The following APC2 variants were observed in gnomAD, a reference collection of about 807,000 sequenced individuals.
The protein encoded by APC2 is APC regulator of Wnt signaling pathway 2.
A neutral mutation model predicts 72.5 loss-of-function variants in APC2; 41 were observed. That is an observed-to-expected ratio of 0.57 (90% confidence interval 0.44 to 0.73). The LOEUF is 0.73. Ranked by LOEUF, APC2 falls within the 30% of genes least tolerant of loss-of-function variation. APC2 has a pLI of 0.00. For synonymous variants in APC2, 1,898 were observed against 1,612.0 expected, an observed-to-expected ratio of 1.18 and a Z score of -4.25; for missense variants, 3,729 against 3,403.4, an observed-to-expected ratio of 1.10 and a Z score of -2.38.
rs1418939391 is a variant in APC2, at chr19:1,468,611, C to T, written c.5310C>T (p.Gly1770=). Residue 1770 remains glycine (G), a synonymous_variant, in exon 15 of 15, where the codon GGC becomes GGT. Transcript: ENST00000590469. Reference sequence around the variant, plus strand: ...GCGGGAGCCCCCGTTCCCCTGCAGGCCCCGAGAAGCCACGTGGCACACAGA... The same window carrying T: ...GCGGGAGCCCCCGTTCCCCTGCAGGTCCCGAGAAGCCACGTGGCACACAGA... ...KTSGSPRSPA[G]PEKPRGTQKT... 4 of 1,601,310 alleles carry T rather than the reference C, an allele frequency of 2.5e-6. No individual in the cohort carries two copies. Among genetic ancestry groups the T allele is most frequent in the African/African-American group, 1.3e-5 (1 of 74,624 alleles).
At chr19:1,455,666 G>A (rs943403062) in intron 6 of APC2, among the ~76,000 whole-genome samples, 166 bp downstream of exon 6, 4 of 151,816 alleles carry the variant, frequency 2.6e-5, no homozygotes, top group Non-Finnish European at 5.9e-5. Flanking sequence ...GAAGCTGGAG[G>A]TGTTGGTGGG....
In APC2 at chr19:1,467,052, C is replaced by G. The variant is rs759511010; in HGVS notation, c.3751C>G (p.Arg1251Gly). 2 of 1,611,644 alleles carry G rather than the reference C, an allele frequency of 1.2e-6. No individual in the cohort carries two copies. The highest frequency in any genetic ancestry group is 1.7e-6 in the Non-Finnish European group (2 of 1,179,672). The change falls in exon 15 of 15, where the codon CGG (arginine) becomes GGG (glycine). Residue 1251 changes from arginine (R) to glycine (G), a missense_variant. Arg to Gly is a moderately radical substitution (Grantham distance 125). Transcript: ENST00000590469. ...LDIADCRERC[R>G]LPSELDAGSV... is the part of the protein sequence containing the mutation. The stretch of plus-strand genomic sequence containing the variant: ...CATCGCCGACTGCCGGGAGCGCTGC[C>G]GGCTGCCATCTGAGCTGGACGCAGG...
chr19:1,468,680 G>T lies in APC2; in HGVS notation c.5379G>T (p.Val1793=). 6.4e-7 allele frequency: 1 copy of T among 1,568,106 alleles called. No homozygotes were observed. The highest frequency in any genetic ancestry group is 1.1e-5 in the South Asian group (1 of 87,146). Reference sequence around the variant, plus strand: ...CAGCTGTGCTCCGGGGACGAACAGTGATCTACGTCCCCAGCCCGGCACCCC... The same window carrying T: ...CAGCTGTGCTCCGGGGACGAACAGTTATCTACGTCCCCAGCCCGGCACCCC... The part of the protein sequence containing the change: ...GVPAVLRGRT[V]IYVPSPAPRA... The change falls in exon 15 of 15, where the codon GTG becomes GTT. Residue 1793 remains valine (V), a synonymous_variant. Transcript: ENST00000590469.
In APC2 at chr19:1,465,227, G is replaced by T. The variant is rs1167512201; in HGVS notation, c.1926G>T (p.Val642=). 1.2e-6 allele frequency: 2 copies of T among 1,610,626 alleles called. No individual in the cohort carries two copies. Residue 642 remains valine, a synonymous_variant, in exon 15 of 15, where the codon GTG becomes GTT. Coordinates refer to ENST00000590469, the MANE Select transcript of APC2 (RefSeq NM_005883.3). Reference sequence around the variant, plus strand: ...TGACTTCGCACAGCCTGACCATCGTGAGCAACGCGTGCGGCACGCTCTGGA... The same window carrying T: ...TGACTTCGCACAGCCTGACCATCGTTAGCAACGCGTGCGGCACGCTCTGGA... ...QHLTSHSLTI[V]SNACGTLWNL...
Position 1,466,845 on chromosome 19 carries a change from A to T in APC2, c.3544A>T (p.Ser1182Cys). ...ESPSIASSIP[S>C]EPCSGQGSGT... ...CCCGTCCATCGCCAGCTCCATCCCC[A>T]GTGAACCTTGCAGCGGGCAGGGCAG... The change falls in exon 15 of 15, where the codon AGT becomes TGT. Residue 1182 changes from serine to cysteine, a missense_variant. Transcript: ENST00000590469. The T allele has an allele frequency of 6.4e-7, 1 of 1,559,918 alleles. No homozygotes were observed. The highest frequency in any genetic ancestry group is 8.7e-7 in the Non-Finnish European group (1 of 1,153,254).
At position 1,450,187 on chromosome 19, in the gene APC2, G is replaced by C; in HGVS notation, c.-170G>C. On this transcript the variant is annotated 5_prime_UTR_variant, in exon 1 of 15. Transcript: ENST00000590469. Reference sequence around the variant, plus strand: ...CCCAGGCCCGGACCGGGCTTTGTCCGCCCCGGAGCCCCTGCCCGCGCCGCG... The same window carrying C: ...CCCAGGCCCGGACCGGGCTTTGTCCCCCCCGGAGCCCCTGCCCGCGCCGCG... 2.0e-6 allele frequency: 2 copies of C among 985,216 alleles called. No homozygotes were observed. Among genetic ancestry groups the C allele is most frequent in the Non-Finnish European group, 2.4e-6 (2 of 829,852 alleles). The allele number at this position is 985,216 out of a possible 1,614,324, so 61.0% of individuals were successfully genotyped here. A position where few individuals can be genotyped will look rare whatever the true frequency, so the allele number is the denominator to read the frequency against.
chr19:1,464,822 A>G (rs1158528974), intron 14 of APC2, among the ~76,000 whole-genome samples: 3 of 150,936 alleles, frequency 2.0e-5, no homozygotes, highest in African/African-American at 7.3e-5. Context: ...TAAGAGAGAG[A>G]GGGTTTCACC....
Position 1,468,974 on chromosome 19 carries a change from C to G in APC2, c.5673C>G (p.Pro1891=). ...CCCAGCCCCTGCCCAGAAAGCGCCCCCCGGTCACCCAGGCTGCTGGGGCCC... is the reference window on the plus strand; with the variant it reads ...CCCAGCCCCTGCCCAGAAAGCGCCCGCCGGTCACCCAGGCTGCTGGGGCCC... ...PASQPLPRKR[P]PVTQAAGALP... The change falls in exon 15 of 15, where the codon CCC becomes CCG. Residue 1891 remains proline (P), a synonymous_variant. Transcript: ENST00000590469. 1.3e-6 allele frequency: 2 copies of G among 1,560,940 alleles called. No homozygotes were observed. The highest frequency in any genetic ancestry group is 1.7e-6 in the Non-Finnish European group (2 of 1,159,448).
Position 1,467,571 on chromosome 19 carries a change from G to T in APC2, c.4270G>T (p.Gly1424Cys). The T allele has an allele frequency of 1.3e-6, 2 of 1,511,648 alleles. No individual in the cohort carries two copies. Among genetic ancestry groups the T allele is most frequent in the South Asian group, 2.5e-5 (2 of 80,862 alleles). The allele number at this position is 1,511,648 out of a possible 1,614,324, so 93.6% of individuals were successfully genotyped here. ...CAGGGACCAGCCCGGGGGACCAGCG[G>T]GCAGGCAAAGACCCACCGGCCGCCC... The part of the protein sequence containing the change: ...PPRDQPGGPA[G>C]RQRPTGRPTS... The change falls in exon 15 of 15, where the codon GGC (glycine) becomes TGC (cysteine). Residue 1424 changes from glycine (G) to cysteine (C), a missense_variant. Physicochemically the swap from Gly to Cys is radical, Grantham distance 159 (BLOSUM62 -3). Coordinates refer to ENST00000590469, the MANE Select transcript of APC2 (RefSeq NM_005883.3).
intron 1 of APC2, among the ~76,000 whole-genome samples, chr19:1,450,658 G>A (rs1178792760): frequency 2.0e-5 from 3 of 152,210 alleles, no homozygotes; most frequent in African/African-American, 7.2e-5. Context: ...GAAAGAGGGG[G>A]TTTGGATTAA....
At chr19:1,455,336 C>A (rs372827362) in intron 5 of APC2, 48 bp from the exon 6 acceptor site, 2 of 1,594,858 alleles carry the variant, frequency 1.3e-6, no homozygotes, top group Non-Finnish European at 1.7e-6. Context: ...AGGAACGGGG[C>A]CTGGCCCGGG....
In APC2 at chr19:1,467,413, T is replaced by C; in HGVS notation, c.4112T>C (p.Val1371Ala). 6.7e-7 allele frequency: 1 copy of C among 1,491,190 alleles called. No homozygotes were observed. The highest frequency in any genetic ancestry group is 2.8e-5 in the East Asian group (1 of 35,686). 92.4% of individuals were successfully genotyped at this position (1,491,190 alleles called of 1,614,324 possible). ...ALVPGRRALP[V>A]PVYMLVPAPA... is the part of the protein sequence containing the mutation. ...GTGCCAGGTCGCCGCGCACTCCCCG[T>C]GCCCGTCTACATGTTGGTGCCCGCC... Residue 1371 changes from valine (V) to alanine (A), a missense_variant, in exon 15 of 15, where the codon GTG becomes GCG. Val to Ala is a moderately conservative substitution (Grantham distance 64, BLOSUM62 0). Transcript: ENST00000590469.
At chr19:1,446,588 C>G (rs2083689464), upstream of APC2, among the ~76,000 whole-genome samples, 1 of 152,116 alleles carries the variant, frequency 6.6e-6, no homozygotes, top group African/African-American at 2.4e-5. This position sits in a 1 kb window ranked among gnomAD's most constrained non-coding sequence, Gnocchi z 6.1. Flanking sequence ...TCTGCGCAAG[C>G]GCAGGGCTCG....
upstream of APC2, chr19:1,446,245 G>A: frequency 1.0e-6 from 1 of 984,040 alleles, no homozygotes. This position sits in a 1 kb window ranked among gnomAD's most constrained non-coding sequence, Gnocchi z 6.1. Flanking sequence ...CACCCTGGCC[G>A]CCGAGGGGCG....
chr19:1,462,701 T>C (rs2083946462), intron 14 of APC2, among the ~76,000 whole-genome samples: 2 of 145,576 alleles, frequency 1.4e-5, no homozygotes. Context: ...CCAGGCGCAG[T>C]GGCTCACACC....
chr19:1,462,547 C>T (rs559687425), intron 14 of APC2, among the ~76,000 whole-genome samples: 21 of 146,078 alleles, frequency 1.4e-4, no homozygotes, highest in South Asian at 2.2e-4. Flanking sequence ...CCCAGCTACT[C>T]GGGAGGCTGA....
At chr19:1,448,347 G>C (rs1400096843), upstream of APC2, among the ~76,000 whole-genome samples, 1 of 152,092 alleles carries the variant, frequency 6.6e-6, no homozygotes, top group African/African-American at 2.4e-5. Context: ...AGGAGTTTGA[G>C]ACCAGCCCGA....
chr19:1,457,895 C>CGGAGGGGGGG (rs1555675931), intron 9 of APC2, 70 bp from the exon 10 acceptor site: 5 of 1,233,428 alleles, frequency 4.1e-6, no homozygotes, highest in Non-Finnish European at 4.3e-6. Context: ...GGGCGGGTTG[C>CGGAGGGGGGG]GGGACCTTCG....
chr19:1,456,773 G>A lies in APC2; in HGVS notation c.817-80G>A. ...GGGGCTGCCCTTGGGGACGGGGCAG[G>A]GGTCACAGGGCTCCGACCGGGTTTC... On this transcript the variant is annotated intron_variant, in intron 8 of 14. Coordinates refer to ENST00000590469, the MANE Select transcript of APC2 (RefSeq NM_005883.3). 3.3e-6 allele frequency: 5 copies of A among 1,499,368 alleles called. No homozygotes were observed. The Admixed American group carries it at 9.1e-5, about 27-fold the overall frequency. The allele number at this position is 1,499,368 out of a possible 1,614,324, so 92.9% of individuals were successfully genotyped here.
Sources: allele counts gnomAD v4.1 joint callset (sites outside exome capture counted in the v4.1 genomes callset), GRCh38; gene constraint gnomAD v4.1.1; non-coding constraint Gnocchi (gnomAD v3.1); transcripts MANE v1.5; gene names NCBI Gene and HGNC (gene_info 2026-07-23, HGNC 2026-07-21).